The following RELB variants were observed in gnomAD, a reference collection of about 807,000 sequenced individuals.
RELB encodes the protein RELB proto-oncogene, NF-kB subunit.
Under a neutral mutation model 55.4 loss-of-function variants are expected in RELB, and 14 were observed. The ratio of observed to expected loss-of-function variants is 0.25; its 90% CI spans 0.17 to 0.40. The LOEUF (loss-of-function observed/expected upper bound fraction) is 0.40, where lower values mean the gene tolerates loss of function less well. Among genes scored for constraint, RELB ranks in the 10% least tolerant of loss-of-function variants. RELB has a pLI of 1.00. For synonymous variants in RELB, 409 were observed against 371.3 expected (o/e 1.10, Z -1.17); for missense variants, 669 against 830.7 (o/e 0.81, Z 2.39).
chr19:45,037,838 A>G lies in RELB; in HGVS notation c.*48A>G. 1 of 1,462,914 alleles carries G rather than the reference A, an allele frequency of 6.8e-7. No individual in the cohort carries two copies. The highest frequency in any genetic ancestry group is 9.0e-7 in the Non-Finnish European group (1 of 1,111,818). 90.6% of individuals were successfully genotyped at this position (1,462,914 alleles called of 1,614,324 possible). On this transcript the variant is annotated 3_prime_UTR_variant, in exon 12 of 12. Coordinates refer to ENST00000221452, the MANE Select transcript of RELB (RefSeq NM_006509.4). Reference sequence around the variant, plus strand: ...CACTGGGTGGGGAGGGAGGTGGAGGAGCCGTGCAATCCCAACCAGGATGTC... The same window carrying G: ...CACTGGGTGGGGAGGGAGGTGGAGGGGCCGTGCAATCCCAACCAGGATGTC...
chr19:45,017,281 G>T (rs143408516), intron 4 of RELB, among the ~76,000 whole-genome samples: 4 of 152,176 alleles, frequency 2.6e-5, no homozygotes, highest in African/African-American at 9.6e-5. Flanking sequence ...GCTGCTGCCT[G>T]TGGCTGCTGA....
At position 45,012,082 on chromosome 19, in the gene RELB, C is replaced by A. The variant is rs1971367299; in HGVS notation, c.310C>A (p.Pro104Thr). Residue 104 changes from proline (P) to threonine (T), a missense_variant, in exon 4 of 12, where the codon CCG (proline) becomes ACG (threonine). Physicochemically the swap from Pro to Thr is conservative, Grantham distance 38 (BLOSUM62 -1). Coordinates refer to ENST00000221452, the MANE Select transcript of RELB (RefSeq NM_006509.4). The part of the protein sequence containing the change: ...TLGPVAPPAT[P>T]PPWGCPLGRL... ...GGGCCCTGTGGCGCCCCCAGCCACG[C>A]CGCCGCCTTGGGGCTGCCCCCTGGG... 2 of 1,548,358 alleles carry A rather than the reference C, an allele frequency of 1.3e-6. No homozygotes were observed. Among genetic ancestry groups the A allele is most frequent in the Non-Finnish European group, 1.7e-6 (2 of 1,152,522 alleles).
At position 45,025,597 on chromosome 19, in the gene RELB, C is replaced by T. The variant is rs1971549068; in HGVS notation, c.755-9C>T. 6.2e-7 allele frequency: 1 copy of T among 1,613,888 alleles called. No individual in the cohort carries two copies. The highest frequency in any genetic ancestry group is 8.5e-7 in the Non-Finnish European group (1 of 1,179,856). On this transcript the variant is annotated splice_polypyrimidine_tract_variant and intron_variant, in intron 6 of 11. Coordinates refer to ENST00000221452, the MANE Select transcript of RELB (RefSeq NM_006509.4). ...CCCACCCTCAGCCTCCCCATATCTC[C>T]CCCGACAGCTGGGTCCCTGAAGAAC... is the stretch of plus-strand genomic sequence containing the variant.
chr19:45,004,986 G>A (rs1213970520), intron 2 of RELB, among the ~76,000 whole-genome samples: 1 of 151,848 alleles, frequency 6.6e-6, no homozygotes, highest in Non-Finnish European at 1.5e-5. Flanking sequence ...TGGCCAATAT[G>A]TTGAAACCCC....
intron 2 of RELB, among the ~76,000 whole-genome samples, chr19:45,007,593 C>T (rs1971297271): frequency 4.6e-5 from 7 of 152,184 alleles, no homozygotes; most frequent in Non-Finnish European, 1.5e-5. Flanking sequence ...CGTGGTGGCT[C>T]ACACCTGTAA....
Position 45,012,113 on chromosome 19 carries a change from T to G in RELB, c.341T>G (p.Leu114Arg). The change falls in exon 4 of 12, where the codon CTA (leucine) becomes CGA (arginine). Residue 114 changes from leucine to arginine, a missense_variant. Leu to Arg is a moderately radical substitution (Grantham distance 102). Coordinates refer to ENST00000221452, the MANE Select transcript of RELB (RefSeq NM_006509.4). Reference sequence around the variant, plus strand: ...CCTTGGGGCTGCCCCCTGGGCCGACTAGTGTCCCCAGCGCCGGGCCCGGGC... The same window carrying G: ...CCTTGGGGCTGCCCCCTGGGCCGACGAGTGTCCCCAGCGCCGGGCCCGGGC... ...PPPWGCPLGR[L>R]VSPAPGPGPQ... is the part of the protein sequence containing the mutation. 1 of 1,559,630 alleles carries G rather than the reference T, an allele frequency of 6.4e-7. No homozygotes were observed. The highest frequency in any genetic ancestry group is 8.6e-7 in the Non-Finnish European group (1 of 1,160,608).
intron 4 of RELB, among the ~76,000 whole-genome samples, chr19:45,013,269 G>A (rs527936052): frequency 4.0e-5 from 6 of 151,888 alleles, no homozygotes; most frequent in African/African-American, 1.2e-4. Context: ...AGCCTCCCGA[G>A]TAGCTGGGAT....
intron 4 of RELB, among the ~76,000 whole-genome samples, chr19:45,019,410 T>G (rs1971457670): frequency 6.6e-6 from 1 of 152,114 alleles, no homozygotes; most frequent in Non-Finnish European, 1.5e-5. Flanking sequence ...ATTGTAGCCA[T>G]CATGCTACTT....
intron 8 of RELB, among the ~76,000 whole-genome samples, chr19:45,029,914 C>A (rs1467919919): frequency 3.3e-5 from 5 of 151,792 alleles, no homozygotes; most frequent in Admixed American, 6.6e-5. Context: ...GCCTGTAATC[C>A]TAGCACAGTT....
At chr19:45,017,985 G>A (rs924680915) in intron 4 of RELB, among the ~76,000 whole-genome samples, 3 of 150,638 alleles carry the variant, frequency 2.0e-5, no homozygotes, top group African/African-American at 7.3e-5. Context: ...TAAACCTAGA[G>A]ACCAGGCGCG....
Position 45,037,704 on chromosome 19 carries a change from CT to C in RELB, c.1656del (p.Val553TrpfsTer53). ...CCCCGGGGATGGAGGCACCGCCAGC[CT>C]TGTGGGCAGCAACATGTTCCCCAAT... is the stretch of plus-strand genomic sequence containing the variant. ...PGPGDGGTAS[L>X]VGSNMFPNHY... On this transcript the variant is annotated frameshift_variant, in exon 12 of 12. Transcript: ENST00000221452. LOFTEE classifies it high-confidence loss of function. 1 of 1,547,252 alleles carries C rather than the reference CT, an allele frequency of 6.5e-7. No individual in the cohort carries two copies. The highest frequency in any genetic ancestry group is 8.7e-7 in the Non-Finnish European group (1 of 1,151,768).
chr19:45,022,027 C>G, intron 4 of RELB, 26 bp from the exon 5 acceptor site: 3 of 1,590,108 alleles, frequency 1.9e-6, no homozygotes, highest in South Asian at 1.1e-5. Context: ...TGATGGGACC[C>G]CCAAAGAGGA....
At chr19:45,009,876 G>T in intron 3 of RELB, 54 bp downstream of exon 3, 2 of 1,488,938 alleles carry the variant, frequency 1.3e-6, no homozygotes, top group Non-Finnish European at 9.2e-7. Flanking sequence ...AGTGCCTACA[G>T]AAGGGGGTCT....
chr19:45,030,542 G>C (rs1488493605), intron 8 of RELB, among the ~76,000 whole-genome samples: 1 of 152,148 alleles, frequency 6.6e-6, no homozygotes, highest in Admixed American at 6.6e-5. Flanking sequence ...TGAGGCACGA[G>C]AATCACTTGA....
rs756636259 is a variant in RELB at position 45,012,036 on chromosome 19, G to A, written c.264G>A (p.Ala88=). Residue 88 remains alanine, a synonymous_variant, in exon 4 of 12, where the codon GCG becomes GCA. Coordinates refer to ENST00000221452, the MANE Select transcript of RELB (RefSeq NM_006509.4). ...CACGCCTGGTGTCTCGCGGGGCTGC[G>A]TCCCTGAGCACGGTCACCCTGGGCC... The part of the protein sequence containing the change: ...GLPRLVSRGA[A]SLSTVTLGPV... The A allele has an allele frequency of 3.5e-5, 55 of 1,570,398 alleles. No individual in the cohort carries two copies. The highest frequency in any genetic ancestry group is 5.5e-5 in the African/African-American group (4 of 72,264).
intron 8 of RELB, among the ~76,000 whole-genome samples, chr19:45,031,592 T>A (rs966910261): frequency 2.0e-5 from 3 of 152,142 alleles, no homozygotes; most frequent in Admixed American, 6.6e-5. Context: ...GTTTGTTTGT[T>A]TGAGGCGGAG....
At chr19:45,012,305 T>C in intron 4 of RELB, 29 bp downstream of exon 4, 2 of 1,338,064 alleles carry the variant, frequency 1.5e-6, no homozygotes, top group Middle Eastern at 2.7e-4. Flanking sequence ...CCCGGGCGGG[T>C]GGGACTGGGG....
intron 4 of RELB, among the ~76,000 whole-genome samples, chr19:45,013,798 C>G (rs2122419986): frequency 6.6e-6 from 1 of 152,082 alleles, no homozygotes; most frequent in South Asian, 2.1e-4. Flanking sequence ...TGCCATTGCT[C>G]TCCGGCCTGA....
chr19:45,034,360 G>T, intron 10 of RELB, 48 bp downstream of exon 10: 1 of 1,597,948 alleles, frequency 6.3e-7, no homozygotes, highest in Non-Finnish European at 8.6e-7. Context: ...GTTCTGGGGA[G>T]GGGACAGCTG....
Sources: allele counts gnomAD v4.1 joint callset (sites outside exome capture counted in the v4.1 genomes callset), GRCh38; gene constraint gnomAD v4.1.1; transcripts MANE v1.5; gene names NCBI Gene and HGNC (gene_info 2026-07-23, HGNC 2026-07-21).